NDUFA10: variants seen among roughly 807,000 people sequenced by gnomAD.
NDUFA10 encodes NADH dehydrogenase [ubiquinone] 1 alpha subcomplex subunit 10, mitochondrial.
NDUFA10 carries 40 observed loss-of-function variants against 47.8 expected under a neutral mutation model. The observed-to-expected ratio is 0.84, with a 90% CI of 0.65 to 1.09. The LOEUF is 1.09. Ranked by LOEUF, NDUFA10 falls within the 50% of genes least tolerant of loss-of-function variation. The pLI, the probability that NDUFA10 is intolerant of heterozygous loss-of-function variation, is 0.00. For synonymous variants in NDUFA10, 183 were observed against 172.2 expected, an observed-to-expected ratio of 1.06 and a Z score of -0.49; for missense variants, 413 against 451.1, an observed-to-expected ratio of 0.92 and a Z score of 0.76.
intron 4 of NDUFA10, among the ~76,000 whole-genome samples, chr2:239,899,026 A>G (rs1693467085): frequency 1.1e-5 from 1 of 87,922 alleles, no homozygotes; most frequent in Non-Finnish European, 2.5e-5. Flanking sequence ...GGAGTCATGG[A>G]GGGGTGTAAA....
chr2:239,939,731 G>A (rs897257802), intron 4 of NDUFA10, among the ~76,000 whole-genome samples: 2 of 152,232 alleles, frequency 1.3e-5, no homozygotes, highest in Non-Finnish European at 2.9e-5. Context: ...GCAATGGAAA[G>A]AAGAAATCCA....
chr2:239,977,299 C>A (rs1695568653), intron 9 of NDUFA10, among the ~76,000 whole-genome samples: 1 of 152,160 alleles, frequency 6.6e-6, no homozygotes, highest in African/African-American at 2.4e-5. Context: ...ATCCGGAGCC[C>A]CATGAGCTGC....
chr2:239,966,065 C>T (rs1695045853), intron 9 of NDUFA10, among the ~76,000 whole-genome samples: 1 of 152,262 alleles, frequency 6.6e-6, no homozygotes, highest in Non-Finnish European at 1.5e-5. Flanking sequence ...AAGTCCTCTT[C>T]CAGAGCCAAG....
At chr2:239,930,232 G>A (rs1694142149) in intron 4 of NDUFA10, among the ~76,000 whole-genome samples, 2 of 133,098 alleles carry the variant, frequency 1.5e-5, no homozygotes, top group South Asian at 4.9e-4. Context: ...AGCCAGCCCT[G>A]CTTCTCCACC....
intron 4 of NDUFA10, among the ~76,000 whole-genome samples, chr2:239,908,140 C>T (rs1272208259): frequency 9.2e-5 from 14 of 151,978 alleles, no homozygotes; most frequent in African/African-American, 2.9e-4. Context: ...AGCAAACTAT[C>T]GCAAGGACAG....
At position 240,025,238 on chromosome 2, in the gene NDUFA10, C is replaced by G; in HGVS notation, c.64G>C (p.Ala22Pro). 6.9e-7 allele frequency: 1 copy of G among 1,447,148 alleles called. No homozygotes were observed. Among genetic ancestry groups the G allele is most frequent in the South Asian group, 1.3e-5 (1 of 78,848 alleles). 89.6% of individuals were successfully genotyped at this position (1,447,148 alleles called of 1,614,324 possible). A position where few individuals can be genotyped will look rare whatever the true frequency, so the allele number is the denominator to read the frequency against. ...CGCCGCCCGCTCACCACGCGCTGGG[C>G]GCCCGCCGCCACGACCCGGGCGGAC... is the stretch of plus-strand genomic sequence containing the variant. Reference protein sequence around the residue: ...SASARVVAAGAQRVRGIHSSV... With the variant: ...SASARVVAAGPQRVRGIHSSV... Residue 22 changes from alanine to proline, a missense_variant, in exon 1 of 10, where the codon GCC becomes CCC. By Grantham distance (27) the Ala-to-Pro change is conservative. Transcript: ENST00000252711.
chr2:239,943,522 G>A (rs1438096618), intron 4 of NDUFA10, among the ~76,000 whole-genome samples: 1 of 152,144 alleles, frequency 6.6e-6, no homozygotes. Flanking sequence ...TTTTCAAAGT[G>A]TATGGCCTTG....
intron 4 of NDUFA10, among the ~76,000 whole-genome samples, chr2:239,949,634 C>T (rs1393849876): frequency 6.6e-6 from 1 of 152,192 alleles, no homozygotes; most frequent in East Asian, 1.9e-4. Flanking sequence ...GCTGGGACAA[C>T]AGGCGCGTGC....
chr2:239,918,335 C>T (rs1230160355), intron 4 of NDUFA10, among the ~76,000 whole-genome samples: 6 of 152,206 alleles, frequency 3.9e-5, no homozygotes, highest in East Asian at 3.9e-4. Flanking sequence ...GACATACATG[C>T]GCCCCATCGC....
intron 1 of NDUFA10, 36 bp downstream of exon 1, chr2:240,025,191 C>T: frequency 3.6e-6 from 4 of 1,115,262 alleles, no homozygotes; most frequent in African/African-American, 1.7e-5. Context: ...CGCCACCCTG[C>T]CACCCCGCCA....
At chr2:239,942,305 AG>A (rs1417359136) in intron 4 of NDUFA10, among the ~76,000 whole-genome samples, 5 of 152,260 alleles carry the variant, frequency 3.3e-5, no homozygotes, top group Non-Finnish European at 7.3e-5. Context: ...CCCACCCACC[AG>A]GGCGCCTGAG....
intron 9 of NDUFA10, among the ~76,000 whole-genome samples, chr2:239,972,772 C>G (rs1044209310): frequency 6.6e-6 from 1 of 152,156 alleles, no homozygotes; most frequent in Non-Finnish European, 1.5e-5. Flanking sequence ...GTTCAAATGT[C>G]TTAATCCTCC....
chr2:240,011,828 G>A, intron 5 of NDUFA10, 132 bp from the exon 6 acceptor site: 1 of 781,236 alleles, frequency 1.3e-6, no homozygotes, highest in Non-Finnish European at 2.2e-6. Context: ...TGTGGGGACT[G>A]CGGGGTGACA....
chr2:239,964,888 GA>G (rs1383088861), intron 9 of NDUFA10, among the ~76,000 whole-genome samples: 1 of 152,120 alleles, frequency 6.6e-6, no homozygotes, highest in African/African-American at 2.4e-5. Flanking sequence ...AAAGATCACC[GA>G]AAGGTTTTCC....
At chr2:240,017,970 G>T in intron 4 of NDUFA10, 1 of 1,374,612 alleles carries the variant, frequency 7.3e-7, no homozygotes, top group Non-Finnish European at 1.0e-6. Context: ...GCCCAACACA[G>T]TCCTAGTCAC....
At chr2:239,964,585 T>C (rs1446842339) in intron 9 of NDUFA10, among the ~76,000 whole-genome samples, 2 of 152,038 alleles carry the variant, frequency 1.3e-5, no homozygotes, top group Non-Finnish European at 2.9e-5. Context: ...AGAAAAAAAC[T>C]GTGCAGGGGA....
downstream of NDUFA10, among the ~76,000 whole-genome samples, chr2:239,954,657 A>T (rs945736190): frequency 2.0e-5 from 3 of 152,252 alleles, no homozygotes; most frequent in Admixed American, 6.5e-5. Context: ...ACTTTGTTAG[A>T]TGCAAAGGAG....
intron 4 of NDUFA10, among the ~76,000 whole-genome samples, chr2:239,916,289 A>C (rs745456092): frequency 4.5e-4 from 69 of 151,740 alleles, no homozygotes; most frequent in Non-Finnish European, 9.0e-4. Flanking sequence ...ACACAGATAC[A>C]AATATACAGA....
At chr2:239,914,866 TAC>T (rs1488680872) in intron 4 of NDUFA10, among the ~76,000 whole-genome samples, 1 of 111,112 alleles carries the variant, frequency 9.0e-6, no homozygotes, top group Non-Finnish European at 1.8e-5. Context: ...CAGAGAGACA[TAC>T]AGAGATACTC....
Sources: gnomAD v4.1 joint callset for allele counts (sites outside exome capture counted in the v4.1 genomes callset) on GRCh38, gnomAD v4.1.1 for gene constraint, MANE v1.5 for transcripts, NCBI Gene and HGNC (gene_info 2026-07-23, HGNC 2026-07-21) for gene names.